The following MYO15B variants were observed in gnomAD, a reference collection of about 807,000 sequenced individuals.
MYO15B encodes myosin XVB.
A neutral mutation model predicts 119.3 loss-of-function variants in MYO15B; 207 were observed. That is an observed-to-expected ratio of 1.73 (90% confidence interval 1.55 to 1.95). The LOEUF (loss-of-function observed/expected upper bound fraction) is 1.95, where lower values mean the gene tolerates loss of function less well. MYO15B is among the 30% of genes most tolerant of loss of function. The pLI is 0.00. For missense variants in MYO15B, 2,264 were observed against 1,203.1 expected, an observed-to-expected ratio of 1.88 and a Z score of -13.04; for synonymous variants, 966 against 498.9, an observed-to-expected ratio of 1.94 and a Z score of -12.48.
exon 17 of MYO15B, chr17:75,602,916 C>A: frequency 2.9e-6 from 2 of 690,558 alleles, no homozygotes; most frequent in Non-Finnish European, 5.3e-6. Context: ...TCCAGCAGGC[C>A]CTGGAGGACC....
At position 75,621,413 on chromosome 17, in the gene MYO15B, G is replaced by A; in HGVS notation, c.7935+5G>A. On this transcript the variant is annotated splice_donor_5th_base_variant and intron_variant, in intron 51 of 63. Coordinates refer to ENST00000645453, the Ensembl canonical transcript of MYO15B. ...AGCCTGGTGCAGTACACCAAGGTGG[G>A]AGAGAGGCAGGGAGGGGTCTGGCCC... 1.4e-6 allele frequency: 1 copy of A among 700,114 alleles called. No individual in the cohort carries two copies. The highest frequency in any genetic ancestry group is 1.7e-5 in the African/African-American group (1 of 57,326). 43.4% of individuals were successfully genotyped at this position (700,114 alleles called of 1,614,324 possible).
In MYO15B at chr17:75,589,766, C is replaced by T; in HGVS notation, c.1709C>T (p.Pro570Leu). The stretch of plus-strand genomic sequence containing the variant: ...TCTGAAGAAGCGTCCGCAGATGCCC[C>T]CACGGGGGAAGGCCGAGGTTGGCCT... Residue 570 changes from proline (P) to leucine (L), a missense_variant, in exon 1 of 64, where the codon CCC becomes CTC. Coordinates refer to ENST00000645453, the Ensembl canonical transcript of MYO15B. The surrounding 1 kb of genome is among the most constrained non-coding windows in gnomAD (Gnocchi z 4.2). 5.0e-6 allele frequency: 2 copies of T among 398,674 alleles called. No homozygotes were observed. Among genetic ancestry groups the T allele is most frequent in the Non-Finnish European group, 8.8e-6 (2 of 226,040 alleles). 24.7% of individuals were successfully genotyped at this position (398,674 alleles called of 1,614,324 possible).
Position 75,619,340 on chromosome 17 carries a change from G to T in MYO15B, c.7064-18G>T. 1 of 702,596 alleles carries T rather than the reference G, an allele frequency of 1.4e-6. No homozygotes were observed. Among genetic ancestry groups the T allele is most frequent in the Non-Finnish European group, 2.6e-6 (1 of 384,870 alleles). The allele number at this position is 702,596 out of a possible 1,614,324, so 43.5% of individuals were successfully genotyped here. ...CTCTGTGTGAGCAGAGGGCAGCCTG[G>T]GTCCTTCCTGCCCACAGGAGGCTTG... On this transcript the variant is annotated intron_variant, in intron 44 of 63. Coordinates refer to ENST00000645453, the Ensembl canonical transcript of MYO15B.
At chr17:75,625,461 C>T (rs978756562) in intron 60 of MYO15B, 66 bp from the exon 61 acceptor site, 12 of 694,398 alleles carry the variant, frequency 1.7e-5, no homozygotes, top group South Asian at 4.5e-5. Flanking sequence ...TTATTTGGCA[C>T]GTGCTGTATG....
intron 9 of MYO15B, 44 bp downstream of exon 9, chr17:75,592,884 G>T: frequency 1.5e-6 from 1 of 687,888 alleles, no homozygotes; most frequent in East Asian, 2.7e-5. Flanking sequence ...TGCTGGGTCT[G>T]TAGAATCAGG....
At position 75,613,695 on chromosome 17, in the gene MYO15B, G is replaced by A. The variant is rs749524449; in HGVS notation, c.5147-10G>A. On this transcript the variant is annotated splice_polypyrimidine_tract_variant and intron_variant, in intron 28 of 63. Transcript: ENST00000645453. ...CCTCACTCTTGCCCCCGCCCCCCAT[G>A]CCCCTGCAGAGGAGTGCTACTCGGC... 57 of 701,264 alleles carry A rather than the reference G, an allele frequency of 8.1e-5. 1 individual carries two copies. In the South Asian group the frequency reaches 8.3e-4, roughly 10 times the overall value. The allele number at this position is 701,264 out of a possible 1,614,324, so 43.4% of individuals were successfully genotyped here.
chr17:75,625,730 G>T (rs2059006846), intron 61 of MYO15B, 70 bp downstream of exon 61: 2 of 701,282 alleles, frequency 2.9e-6, no homozygotes, highest in Non-Finnish European at 2.6e-6. Flanking sequence ...AGGTAGAGGG[G>T]CGAGGAGGGG....
chr17:75,612,980 C>T (rs368707629), exon 27 of MYO15B: 10 of 689,006 alleles, frequency 1.5e-5, no homozygotes, highest in Admixed American at 6.1e-5. Context: ...GCAGATGCTG[C>T]GGCTCCTGGG....
At chr17:75,605,822 T>G (rs1598803651) in intron 20 of MYO15B, 42 bp from the exon 21 acceptor site, 3 of 653,694 alleles carry the variant, frequency 4.6e-6, no homozygotes. Context: ...CAGGAGGGGC[T>G]GGCTCCTGGC....
At chr17:75,614,056 C>G (rs1412406858) in intron 29 of MYO15B, 143 bp from the exon 30 acceptor site, 2 of 617,572 alleles carry the variant, frequency 3.2e-6, no homozygotes, top group Non-Finnish European at 5.8e-6. Context: ...GCAGCCCCCA[C>G]TGCTGAGCAA....
intron 55 of MYO15B, 44 bp downstream of exon 55, chr17:75,624,108 G>A: frequency 1.4e-6 from 1 of 702,772 alleles, no homozygotes; most frequent in South Asian, 1.5e-5. Flanking sequence ...GGGGTTTCTA[G>A]GACTGGGAAC....
At chr17:75,606,059 G>T in intron 21 of MYO15B, 38 bp downstream of exon 21, 2 of 650,902 alleles carry the variant, frequency 3.1e-6, no homozygotes, top group East Asian at 5.5e-5. Context: ...AGTGGGTGGG[G>T]TGAGGCCGTG....
chr17:75,615,464 C>T (rs1282714577), intron 34 of MYO15B, 39 bp from the exon 35 acceptor site: 3 of 674,954 alleles, frequency 4.4e-6, no homozygotes, highest in South Asian at 3.2e-5. Flanking sequence ...CAAGGCTGGC[C>T]ATGGTGCCCA....
At chr17:75,626,460 C>G (rs1181612547) in exon 64 of MYO15B, 1 of 703,288 alleles carries the variant, frequency 1.4e-6, no homozygotes, top group Non-Finnish European at 2.6e-6. Context: ...GTGCCTCTTG[C>G]ACTGAGTGGC....
intron 53 of MYO15B, among the ~76,000 whole-genome samples, chr17:75,623,027 G>A (rs1467311245): frequency 6.7e-6 from 1 of 148,560 alleles, no homozygotes; most frequent in South Asian, 2.1e-4. Flanking sequence ...CAGCAGAGAT[G>A]AGTAAGAGAT....
chr17:75,626,421 A>G (rs1352047034), exon 64 of MYO15B: 4 of 703,208 alleles, frequency 5.7e-6, no homozygotes, highest in Middle Eastern at 2.3e-4. Flanking sequence ...AGGAGCTGCT[A>G]TACACCACTG....
Position 75,599,121 on chromosome 17 carries a change from C to T in MYO15B, c.3525+2222C>T, listed in dbSNP as rs534753968. ...CTATGTTGCCCAGGCTGGTCTCAAC[C>T]TCCTGGGCTCAAGCAATCCTCCCAC... is the stretch of plus-strand genomic sequence containing the variant. On this transcript the variant is annotated intron_variant, in intron 14 of 63. Coordinates refer to ENST00000645453, the Ensembl canonical transcript of MYO15B. Among the ~76,000 whole-genome samples the T allele has an allele frequency of 3.9e-5, 6 of 152,230 alleles. No homozygotes were observed. The East Asian group carries it at 9.6e-4, about 24-fold the overall frequency.
chr17:75,619,360 G>A (rs1257893714), exon 45 of MYO15B: 3 of 702,612 alleles, frequency 4.3e-6, no homozygotes, highest in East Asian at 2.7e-5. Context: ...GCCCACAGGA[G>A]GCTTGGAGGT....
intron 19 of MYO15B, 22 bp from the exon 20 acceptor site, chr17:75,605,482 C>T (rs1033155980): frequency 1.4e-6 from 1 of 699,660 alleles, no homozygotes; most frequent in Non-Finnish European, 2.6e-6. Context: ...CTATTCTGAT[C>T]TCAGCTCCAT....
Sources: allele counts gnomAD v4.1 joint callset (sites outside exome capture counted in the v4.1 genomes callset), GRCh38; gene constraint gnomAD v4.1.1; non-coding constraint Gnocchi (gnomAD v3.1); transcripts MANE v1.5; gene names NCBI Gene and HGNC (gene_info 2026-07-23, HGNC 2026-07-21).